RALGPS1: variants seen among roughly 807,000 people sequenced by gnomAD.
The protein encoded by RALGPS1 is Ral GEF with PH domain and SH3 binding motif 1, also known as ras-specific guanine nucleotide-releasing factor RalGPS1.
Under a neutral mutation model 78.8 loss-of-function variants are expected in RALGPS1, and 19 were observed. That is an observed-to-expected ratio of 0.24 (90% CI 0.17 to 0.35). The LOEUF is 0.35. RALGPS1 is among the 10% of genes least tolerant of loss of function. The pLI, the probability that RALGPS1 is intolerant of heterozygous loss-of-function variation, is 1.00. For missense variants in RALGPS1, 454 were observed against 688.3 expected (o/e 0.66, Z 3.81); for synonymous variants, 228 against 256.3 (o/e 0.89, Z 1.06).
chr9:127,125,911 G>A lies in RALGPS1; in HGVS notation c.611-40158G>A, dbSNP rs559853759. On this transcript the variant is annotated intron_variant, in intron 8 of 18. Transcript: ENST00000259351. ...TGACACAATTCGTAAGAATGATTTC[G>A]TGTCTTACCACCTTCCTGACAGTTG... Among the ~76,000 whole-genome samples, 27 of 152,238 alleles carry A rather than the reference G, an allele frequency of 1.8e-4. No homozygotes were observed. In the South Asian group the frequency reaches 3.9e-3, roughly 22 times the overall value.
intron 8 of RALGPS1, among the ~76,000 whole-genome samples, chr9:127,149,386 G>A (rs529073541): frequency 3.5e-4 from 53 of 152,370 alleles, no homozygotes; most frequent in Non-Finnish European, 7.1e-4. Context: ...ACTAAAGGAA[G>A]CGTTTGGCGC....
intron 8 of RALGPS1, among the ~76,000 whole-genome samples, chr9:127,081,684 C>T (rs567293743): frequency 1.1e-3 from 173 of 152,368 alleles, no homozygotes; most frequent in Admixed American, 1.9e-3. Context: ...GCAAATGTGG[C>T]CTGTCTTTCC....
At chr9:127,082,969 T>C (rs1341990252) in intron 8 of RALGPS1, among the ~76,000 whole-genome samples, 2 of 152,056 alleles carry the variant, frequency 1.3e-5, no homozygotes, top group Non-Finnish European at 2.9e-5. Context: ...CCAGGTGTCA[T>C]GTTAGTTAGC....
Position 127,183,885 on chromosome 9 carries a change from T to C in RALGPS1, c.910+9103T>C. Reference sequence around the variant, plus strand: ...TCTTGAGTCTCCCATCTCAGCAGCCTGTCACATCAAGGTCAAGCAGAAGAG... The same window carrying C: ...TCTTGAGTCTCCCATCTCAGCAGCCCGTCACATCAAGGTCAAGCAGAAGAG... On this transcript the variant is annotated intron_variant, in intron 11 of 18. Transcript: ENST00000259351. The surrounding 1 kb of genome is among the most constrained non-coding windows in gnomAD (Gnocchi z 4.0). The C allele has an allele frequency of 6.5e-7, 1 of 1,549,406 alleles. No homozygotes were observed. The highest frequency in any genetic ancestry group is 1.4e-5 in the African/African-American group (1 of 73,036).
rs2061482554 is a variant in RALGPS1, at chr9:127,199,032, G to C, written c.1213G>C (p.Glu405Gln). The C allele has an allele frequency of 6.2e-7, 1 of 1,614,158 alleles. No homozygotes were observed. The highest frequency in any genetic ancestry group is 8.5e-7 in the Non-Finnish European group (1 of 1,179,980). The stretch of plus-strand genomic sequence containing the variant: ...TTTTCCAGGCAGTAGTGAGAGCTCA[G>C]AGTTTAGTGAAGAGATGTCTTCAGG... ...GLSLGSSESS[E>Q]FSEEMSSGLE... Residue 405 changes from glutamate (E) to glutamine (Q), a missense_variant, in exon 14 of 19, where the codon GAG becomes CAG. Coordinates refer to ENST00000259351, the MANE Select transcript of RALGPS1 (RefSeq NM_014636.3).
intron 4 of RALGPS1, among the ~76,000 whole-genome samples, chr9:127,034,141 T>C (rs2046658087): frequency 6.6e-6 from 1 of 152,222 alleles, no homozygotes; most frequent in South Asian, 2.1e-4. Context: ...GAAGGACTTC[T>C]GGTCTTAGAG....
Position 127,222,884 on chromosome 9 carries a change from G to C in RALGPS1, c.*4115G>C, listed in dbSNP as rs1049832199. On this transcript the variant is annotated 3_prime_UTR_variant, in exon 19 of 19. Coordinates refer to ENST00000259351, the MANE Select transcript of RALGPS1 (RefSeq NM_014636.3). The stretch of plus-strand genomic sequence containing the variant: ...TAATTCGTTTCCTGTTAAATCTGTT[G>C]CACTCTCCTGGGCTGTCTTTTTCTC... The C allele has an allele frequency of 6.6e-6, 1 of 152,660 alleles. No homozygotes were observed. The highest frequency in any genetic ancestry group is 2.4e-5 in the African/African-American group (1 of 41,536). The allele number at this position is 152,660 out of a possible 1,614,324, so 9.5% of individuals were successfully genotyped here.
intron 8 of RALGPS1, among the ~76,000 whole-genome samples, chr9:127,151,935 T>G (rs945519687): frequency 1.3e-5 from 2 of 152,224 alleles, no homozygotes; most frequent in Non-Finnish European, 2.9e-5. Context: ...TCATTGGCAC[T>G]GAGGGAGAGC....
At chr9:127,138,673 T>C (rs2057563115) in intron 8 of RALGPS1, among the ~76,000 whole-genome samples, 1 of 152,130 alleles carries the variant, frequency 6.6e-6, no homozygotes, top group Admixed American at 6.6e-5. Flanking sequence ...ACAGAGAGTC[T>C]AGGTCCACAT....
intron 7 of RALGPS1, among the ~76,000 whole-genome samples, chr9:127,067,082 G>T (rs1251890092): frequency 1.3e-5 from 2 of 152,142 alleles, no homozygotes; most frequent in African/African-American, 2.4e-5. Context: ...TTGTGATTAT[G>T]AACTGGAAAT....
chr9:127,209,611 G>A (rs907383853), intron 14 of RALGPS1, among the ~76,000 whole-genome samples: 1 of 152,162 alleles, frequency 6.6e-6, no homozygotes, highest in Non-Finnish European at 1.5e-5. Flanking sequence ...GGAGCCGATG[G>A]GCAGGAGGCT....
chr9:127,144,262 G>C (rs1382197775), intron 8 of RALGPS1, among the ~76,000 whole-genome samples: 3 of 152,160 alleles, frequency 2.0e-5, no homozygotes, highest in Admixed American at 1.3e-4. Flanking sequence ...TTAGCTCCTG[G>C]ACCCGTAGTA....
At position 126,958,126 on chromosome 9, in the gene RALGPS1, TAA is replaced by T. The variant is rs11290290; in HGVS notation, c.-65-4083_-65-4082del. ...AAACTGGGAAACAGAGCTGTCTCTT[TAA>T]AAAAAAAAAAAAAAATATATATATA... On this transcript the variant is annotated intron_variant, in intron 1 of 18. Coordinates refer to ENST00000259351, the MANE Select transcript of RALGPS1 (RefSeq NM_014636.3). Among the ~76,000 whole-genome samples, 683 of 77,548 alleles carry T rather than the reference TAA, an allele frequency of 8.8e-3. 13 individuals carry two copies. The highest frequency in any genetic ancestry group is 0.034 in the South Asian group (63 of 1,864). 50.9% of individuals were successfully genotyped at this position (77,548 alleles called of 152,430 possible).
intron 7 of RALGPS1, among the ~76,000 whole-genome samples, chr9:127,058,713 T>G (rs2135552861): frequency 1.3e-5 from 2 of 152,268 alleles, no homozygotes; most frequent in Middle Eastern, 3.4e-3. Context: ...ATTCCTAGCA[T>G]ATGGATGAGT....
chr9:127,063,287 A>G (rs2049378227), intron 7 of RALGPS1, among the ~76,000 whole-genome samples: 1 of 152,218 alleles, frequency 6.6e-6, no homozygotes, highest in Non-Finnish European at 1.5e-5. Flanking sequence ...GGAAATTTCC[A>G]AAAGCCACCC....
At chr9:127,184,004 C>A (rs779897852) in intron 11 of RALGPS1, 2 of 1,549,880 alleles carry the variant, frequency 1.3e-6, no homozygotes, top group Non-Finnish European at 1.7e-6. Flanking sequence ...TGCTGCTCCG[C>A]GCTCCCCGTG....
At chr9:126,989,259 G>A (rs1387620674) in intron 4 of RALGPS1, among the ~76,000 whole-genome samples, 1 of 152,166 alleles carries the variant, frequency 6.6e-6, no homozygotes, top group Non-Finnish European at 1.5e-5. Context: ...AAGGTGTGAT[G>A]GCAGTGCCTT....
chr9:127,113,240 G>C (rs1421004104), intron 8 of RALGPS1, among the ~76,000 whole-genome samples: 1 of 152,158 alleles, frequency 6.6e-6, no homozygotes. Flanking sequence ...GATTTGCCCA[G>C]GAACACACGG....
intron 8 of RALGPS1, among the ~76,000 whole-genome samples, chr9:127,161,606 G>A (rs907750221): frequency 6.6e-6 from 1 of 152,186 alleles, no homozygotes; most frequent in Non-Finnish European, 1.5e-5. Context: ...GAGGGAGGTG[G>A]AGAGTAGCAG....
Sources: gnomAD v4.1 joint callset for allele counts (sites outside exome capture counted in the v4.1 genomes callset) on GRCh38, gnomAD v4.1.1 for gene constraint, Gnocchi (gnomAD v3.1) non-coding constraint, MANE v1.5 for transcripts, NCBI Gene and HGNC (gene_info 2026-07-23, HGNC 2026-07-21) for gene names.